The following SLC45A4 variants were observed in gnomAD, a reference collection of about 807,000 sequenced individuals.
SLC45A4 encodes the protein polyamine-transporter SLC45A4.
Under a neutral mutation model 63.7 loss-of-function variants are expected in SLC45A4, and 32 were observed. The observed-to-expected ratio is 0.50, with a 90% CI of 0.38 to 0.67. SLC45A4 has a LOEUF of 0.67. Among genes scored for constraint, SLC45A4 ranks in the 30% least tolerant of loss-of-function variants. The pLI, the probability that SLC45A4 is intolerant of heterozygous loss-of-function variation, is 0.00. For missense variants in SLC45A4, 1,027 were observed against 1,157.7 expected (o/e 0.89, Z 1.64); for synonymous variants, 535 against 510.0 (o/e 1.05, Z -0.66).
chr8:141,257,002 T>A (rs2154614736), intron 1 of SLC45A4, among the ~76,000 whole-genome samples: 1 of 152,210 alleles, frequency 6.6e-6, no homozygotes, highest in Admixed American at 6.5e-5. Flanking sequence ...TACAGGCACA[T>A]GCCACCACGC....
At chr8:141,217,278 C>T (rs1043029827) in intron 5 of SLC45A4, 89 bp from the exon 6 acceptor site, 7 of 1,357,764 alleles carry the variant, frequency 5.2e-6, no homozygotes, top group Middle Eastern at 5.1e-4. Flanking sequence ...TGCTGGCCGG[C>T]TGCTCATTCT....
At chr8:141,305,770 C>A (rs1830879338) in intron 1 of SLC45A4, among the ~76,000 whole-genome samples, 1 of 152,026 alleles carries the variant, frequency 6.6e-6, no homozygotes, top group Non-Finnish European at 1.5e-5. Context: ...CAGCCCGAAC[C>A]CCTGCGCTGC....
chr8:141,287,944 C>T (rs760354025), intron 1 of SLC45A4, among the ~76,000 whole-genome samples: 7 of 152,188 alleles, frequency 4.6e-5, no homozygotes, highest in African/African-American at 1.2e-4. Context: ...GCCCAGCCAC[C>T]GAGGGGGACT....
chr8:141,303,589 G>C (rs1037289119), intron 1 of SLC45A4, among the ~76,000 whole-genome samples: 1 of 152,088 alleles, frequency 6.6e-6, no homozygotes, highest in African/African-American at 2.4e-5. Flanking sequence ...TCCTTTCTTT[G>C]AAATAGGAAA....
At chr8:141,216,666 G>A (rs910243889) in intron 6 of SLC45A4, among the ~76,000 whole-genome samples, 2 of 152,306 alleles carry the variant, frequency 1.3e-5, no homozygotes, top group African/African-American at 4.8e-5. Flanking sequence ...GGTTCCTGGT[G>A]AGCCTCGCTG....
At chr8:141,226,274 G>C (rs1826981028) in intron 2 of SLC45A4, 1 of 152,300 alleles carries the variant, frequency 6.6e-6, no homozygotes, top group Non-Finnish European at 1.5e-5. Context: ...GGGATCAGTG[G>C]AGACACAGAG....
intron 1 of SLC45A4, among the ~76,000 whole-genome samples, chr8:141,293,103 T>C (rs567176535): frequency 6.6e-6 from 1 of 152,298 alleles, no homozygotes; most frequent in African/African-American, 2.4e-5. Flanking sequence ...GCCTACGTAA[T>C]GCACGCCAGC....
intron 3 of SLC45A4, among the ~76,000 whole-genome samples, chr8:141,220,834 G>A (rs1055727119): frequency 7.2e-5 from 11 of 152,270 alleles, no homozygotes; most frequent in Admixed American, 2.0e-4. Context: ...GCAGGGAGGG[G>A]AGGGCTGCTC....
At chr8:141,293,449 G>T (rs6988549) in intron 1 of SLC45A4, among the ~76,000 whole-genome samples, 34 of 150,430 alleles carry the variant, frequency 2.3e-4, no homozygotes, top group African/African-American at 8.3e-4. Context: ...ATGAGACTCC[G>T]TCTCGAAGAA....
chr8:141,276,372 T>G (rs1046118768), intron 1 of SLC45A4, among the ~76,000 whole-genome samples: 1 of 152,188 alleles, frequency 6.6e-6, no homozygotes, highest in Non-Finnish European at 1.5e-5. Flanking sequence ...AGGTTTGCGA[T>G]GCGAGCAGCT....
At position 141,215,538 on chromosome 8, in the gene SLC45A4, G is replaced by C. The variant is rs923922695; in HGVS notation, c.1941+221C>G. Among the ~76,000 whole-genome samples, 1 of 152,094 alleles carries C rather than the reference G, an allele frequency of 6.6e-6. No homozygotes were observed. The highest frequency in any genetic ancestry group is 1.5e-5 in the Non-Finnish European group (1 of 68,016). On this transcript the variant is annotated intron_variant, in intron 7 of 8. Transcript: ENST00000517878. The surrounding 1 kb of genome is among the most constrained non-coding windows in gnomAD (Gnocchi z 4.3). Reference sequence around the variant, plus strand: ...TCCAGAAGCCTCTGGAGGTGCTAGGGGGGTGGGGGCGGCTGAAGGAGAAGA... The same window carrying C: ...TCCAGAAGCCTCTGGAGGTGCTAGGCGGGTGGGGGCGGCTGAAGGAGAAGA...
intron 2 of SLC45A4, among the ~76,000 whole-genome samples, chr8:141,243,226 C>T (rs1331884065): frequency 2.6e-5 from 4 of 152,198 alleles, no homozygotes; most frequent in Non-Finnish European, 5.9e-5. Flanking sequence ...TCAGCAGGTC[C>T]TCCAATGTCG....
rs1057040070 is a variant in SLC45A4, at chr8:141,217,922, G to A, written c.1629+89C>T. On this transcript the variant is annotated intron_variant, in intron 5 of 8. Transcript: ENST00000517878. ...CCTCCCTGACACGCGTGGGCACGAG[G>A]AAGAGGCCCCCCGGCCCAGCCCGTG... is the stretch of plus-strand genomic sequence containing the variant. The A allele has an allele frequency of 2.7e-5, 39 of 1,443,340 alleles. 1 individual carries two copies. The Middle Eastern group carries it at 9.2e-4, about 34-fold the overall frequency. The allele number at this position is 1,443,340 out of a possible 1,614,324, so 89.4% of individuals were successfully genotyped here. A position where few individuals can be genotyped will look rare whatever the true frequency, so the allele number is the denominator to read the frequency against.
chr8:141,231,286 G>C (rs1827334597), intron 2 of SLC45A4, among the ~76,000 whole-genome samples: 1 of 152,212 alleles, frequency 6.6e-6, no homozygotes, highest in African/African-American at 2.4e-5. Flanking sequence ...CCTCGCGCCA[G>C]AGGCAGCAGG....
chr8:141,288,063 G>A (rs1212758518), intron 1 of SLC45A4, among the ~76,000 whole-genome samples: 1 of 152,154 alleles, frequency 6.6e-6, no homozygotes, highest in Non-Finnish European at 1.5e-5. Flanking sequence ...TGTAATCCCT[G>A]CACTTTGGGA....
chr8:141,273,487 G>A (rs566050210), intron 1 of SLC45A4, among the ~76,000 whole-genome samples: 12 of 152,188 alleles, frequency 7.9e-5, no homozygotes, highest in African/African-American at 2.4e-4. Flanking sequence ...AGGAGCAAAC[G>A]CAGGTACAAA....
chr8:141,258,451 G>A (rs1828905423), intron 1 of SLC45A4, among the ~76,000 whole-genome samples: 1 of 152,218 alleles, frequency 6.6e-6, no homozygotes, highest in African/African-American at 2.4e-5. Context: ...AAGAATCACT[G>A]ATGAGCCACA....
intron 1 of SLC45A4, among the ~76,000 whole-genome samples, chr8:141,296,372 C>T (rs533248695): frequency 3.3e-5 from 5 of 151,490 alleles, no homozygotes; most frequent in South Asian, 4.2e-4. Flanking sequence ...TGGTGGCACA[C>T]GCCTGTAGTC....
intron 1 of SLC45A4, among the ~76,000 whole-genome samples, chr8:141,301,762 A>AAAAAAAAAAAAAAG (rs71322124): frequency 3.2e-5 from 4 of 126,624 alleles, no homozygotes; most frequent in Non-Finnish European, 6.7e-5. Flanking sequence ...AAAAAAAAAA[A>AAAAAAAAAAAAAAG]TCCTGGGCAA....
Sources: gnomAD v4.1 joint callset for allele counts (sites outside exome capture counted in the v4.1 genomes callset) on GRCh38, gnomAD v4.1.1 for gene constraint, Gnocchi (gnomAD v3.1) non-coding constraint, MANE v1.5 for transcripts, NCBI Gene and HGNC (gene_info 2026-07-23, HGNC 2026-07-21) for gene names.